Variants in RMST observed in about 807,000 individuals in gnomAD.
RMST encodes the protein rhabdomyosarcoma 2 associated transcript, also known as long intergenic non-protein coding RNA 54.
chr12:97,504,053 C>T (rs921509548), intron 10 of RMST, among the ~76,000 whole-genome samples: 1 of 152,130 alleles, frequency 6.6e-6, no homozygotes, highest in African/African-American at 2.4e-5. Flanking sequence ...TGCCACCACG[C>T]CCTGCTAATT....
chr12:97,505,860 A>G (rs1878605708), intron 10 of RMST, among the ~76,000 whole-genome samples: 1 of 152,228 alleles, frequency 6.6e-6, no homozygotes, highest in African/African-American at 2.4e-5. Context: ...GTACATTTTC[A>G]GATGGATGGA....
Position 97,476,964 on chromosome 12 carries a change from T to C in RMST, n.644+11237T>C, listed in dbSNP as rs543812318. Among the ~76,000 whole-genome samples the C allele has an allele frequency of 1.1e-4, 17 of 152,288 alleles. No homozygotes were observed. In the South Asian group the frequency reaches 2.5e-3, roughly 22 times the overall value. Reference sequence around the variant, plus strand: ...TAAGGGATATTTGCTTTCCAGAGGTTGCTAGCAAAGATGGGCTTCTTATAG... The same window carrying C: ...TAAGGGATATTTGCTTTCCAGAGGTCGCTAGCAAAGATGGGCTTCTTATAG... On this transcript the variant is annotated intron_variant and non_coding_transcript_variant, in intron 5 of 13. Transcript: ENST00000640149.
intron 10 of RMST, among the ~76,000 whole-genome samples, chr12:97,507,280 T>C (rs1225554170): frequency 2.7e-5 from 4 of 150,020 alleles, no homozygotes; most frequent in African/African-American, 1.0e-4. Context: ...TTTTGTCTTT[T>C]TTTTTTTAAA....
intron 10 of RMST, among the ~76,000 whole-genome samples, chr12:97,496,236 A>G (rs1284435043): frequency 6.6e-6 from 1 of 152,100 alleles, no homozygotes; most frequent in African/African-American, 2.4e-5. Context: ...TTTGAGGATT[A>G]ACTATGGTGG....
At chr12:97,518,016 G>T (rs1471574329) in intron 10 of RMST, among the ~76,000 whole-genome samples, 1 of 151,842 alleles carries the variant, frequency 6.6e-6, no homozygotes, top group Non-Finnish European at 1.5e-5. Context: ...CAGTATTTAT[G>T]GATGATTTAT....
intron 11 of RMST, chr12:97,533,742 A>G (rs1881857934): frequency 6.6e-6 from 1 of 151,880 alleles, no homozygotes; most frequent in East Asian, 1.9e-4. Flanking sequence ...TATTAAAATG[A>G]TAATAAAGGT....
At chr12:97,492,803 T>G (rs928764207) in intron 6 of RMST, 1 of 152,162 alleles carries the variant, frequency 6.6e-6, no homozygotes, top group Non-Finnish European at 1.5e-5. Context: ...GTCCTCTATC[T>G]CATCAAAGCT....
chr12:97,546,191 T>C (rs1882915458), intron 11 of RMST, among the ~76,000 whole-genome samples: 1 of 152,182 alleles, frequency 6.6e-6, no homozygotes, highest in South Asian at 2.1e-4. Flanking sequence ...GGTGCATTGC[T>C]ATTTTTGAGG....
chr12:97,558,591 G>A (rs1883875923), intron 11 of RMST, among the ~76,000 whole-genome samples: 1 of 151,606 alleles, frequency 6.6e-6, no homozygotes, highest in South Asian at 2.1e-4. Flanking sequence ...ATACAGCTGA[G>A]TTTTTTTTTC....
chr12:97,501,728 G>A (rs11109064), intron 10 of RMST, among the ~76,000 whole-genome samples: 26,067 of 152,126 alleles, frequency 0.17, 4,577 homozygotes, highest in African/African-American at 0.44. Flanking sequence ...CATGAAAAAT[G>A]GCTGGTTAGT....
At chr12:97,511,431 C>T (rs953086053) in intron 10 of RMST, among the ~76,000 whole-genome samples, 15 of 152,154 alleles carry the variant, frequency 9.9e-5, no homozygotes, top group African/African-American at 3.1e-4. Flanking sequence ...CCACTGTGGC[C>T]TGTACTTCTC....
intron 10 of RMST, among the ~76,000 whole-genome samples, chr12:97,527,665 G>A (rs1363517076): frequency 4.7e-5 from 7 of 148,800 alleles, no homozygotes; most frequent in Admixed American, 4.0e-4. Flanking sequence ...AGGCAAAATT[G>A]TACGATCTAC....
At chr12:97,557,713 G>T (rs1425875458) in intron 11 of RMST, among the ~76,000 whole-genome samples, 1 of 152,100 alleles carries the variant, frequency 6.6e-6, no homozygotes, top group Non-Finnish European at 1.5e-5. Context: ...CTTTGTACTG[G>T]GGTTGTTTTG....
chr12:97,541,312 GGA>G (rs1191501205), intron 11 of RMST: 4 of 151,690 alleles, frequency 2.6e-5, no homozygotes, highest in Non-Finnish European at 4.4e-5. Flanking sequence ...GATGAAGGTA[GGA>G]GAATATACTT....
chr12:97,539,876 G>C lies in RMST; in HGVS notation n.1545+9017G>C, dbSNP rs114024113. On this transcript the variant is annotated intron_variant and non_coding_transcript_variant, in intron 11 of 13. Coordinates refer to ENST00000640149, the Ensembl canonical transcript of RMST. ...ATAGCTATCTTTCTGACTTATTAAG[G>C]ATTTATCATTTGTGCCCAAGGTTCA... is the stretch of plus-strand genomic sequence containing the variant. 4.7e-3 allele frequency among the ~76,000 whole-genome samples: 710 copies of C among 151,570 alleles called. 5 individuals carry two copies. Among genetic ancestry groups the C allele is most frequent in the African/African-American group, 0.016 (654 of 41,440 alleles).
chr12:97,510,130 A>G (rs1369366506), intron 10 of RMST, among the ~76,000 whole-genome samples: 1 of 152,216 alleles, frequency 6.6e-6, no homozygotes, highest in Non-Finnish European at 1.5e-5. Flanking sequence ...TATGGAAGAC[A>G]TAGTAAGTAT....
chr12:97,477,843 G>T (rs541966477), intron 5 of RMST, among the ~76,000 whole-genome samples: 57 of 152,304 alleles, frequency 3.7e-4, no homozygotes, highest in Middle Eastern at 6.8e-3. Context: ...CTTTTTAATT[G>T]TGTAGTTCCC....
At chr12:97,512,380 G>A (rs778581688) in intron 10 of RMST, among the ~76,000 whole-genome samples, 7 of 152,174 alleles carry the variant, frequency 4.6e-5, no homozygotes, top group East Asian at 1.9e-4. Flanking sequence ...GACCCGAGCC[G>A]GTTAACACTG....
At chr12:97,554,550 A>G (rs1042754273) in intron 11 of RMST, among the ~76,000 whole-genome samples, 1 of 152,210 alleles carries the variant, frequency 6.6e-6, no homozygotes, top group Non-Finnish European at 1.5e-5. Context: ...AAAAGTCTTA[A>G]GGTAACCCAA....
Sources: allele counts gnomAD v4.1 joint callset (sites outside exome capture counted in the v4.1 genomes callset), GRCh38; gene constraint gnomAD v4.1.1; transcripts MANE v1.5; gene names NCBI Gene and HGNC (gene_info 2026-07-23, HGNC 2026-07-21).